The following WDR70 variants were observed in gnomAD, a reference collection of about 807,000 sequenced individuals.
The protein encoded by WDR70 is WD repeat domain 70, also known as WD repeat-containing protein 70.
WDR70 carries 53 observed loss-of-function variants against 88.6 expected under a neutral mutation model. The observed-to-expected ratio is 0.60, with a 90% CI of 0.48 to 0.75. The LOEUF (loss-of-function observed/expected upper bound fraction) is 0.75. Ranked by LOEUF, WDR70 falls within the 30% of genes least tolerant of loss-of-function variation. The pLI is 0.00. For synonymous variants in WDR70, 280 were observed against 270.0 expected (o/e 1.04, Z -0.36); for missense variants, 610 against 823.2 (o/e 0.74, Z 3.17).
chr5:37,572,250 G>C (rs1278655488), intron 9 of WDR70, among the ~76,000 whole-genome samples: 1 of 151,948 alleles, frequency 6.6e-6, no homozygotes, highest in Non-Finnish European at 1.5e-5. Context: ...AGCCTGTGTC[G>C]TGCAATTCAT....
rs182854160 is a variant in WDR70, at chr5:37,727,113, T to C, written c.1877+68T>C. ...ATGAATTGGGGAGAACATAACAATG[T>C]TGTTTTTGAGTTCTAACTTCTCTAT... is the stretch of plus-strand genomic sequence containing the variant. On this transcript the variant is annotated intron_variant, in intron 17 of 17. Coordinates refer to ENST00000265107, the MANE Select transcript of WDR70 (RefSeq NM_018034.4). The C allele has an allele frequency of 4.4e-5, 68 of 1,531,316 alleles. No individual in the cohort carries two copies. In the East Asian group the frequency reaches 9.3e-4, roughly 21 times the overall value. The allele number at this position is 1,531,316 out of a possible 1,614,324, so 94.9% of individuals were successfully genotyped here.
intron 9 of WDR70, among the ~76,000 whole-genome samples, chr5:37,565,962 T>C (rs1202889334): frequency 6.6e-6 from 1 of 152,158 alleles, no homozygotes; most frequent in Non-Finnish European, 1.5e-5. Context: ...AACAACTTTA[T>C]TGAGATACAA....
At chr5:37,439,107 A>C (rs1257109784) in intron 6 of WDR70, among the ~76,000 whole-genome samples, 1 of 151,908 alleles carries the variant, frequency 6.6e-6, no homozygotes, top group African/African-American at 2.4e-5. Flanking sequence ...TTTGGTAGAG[A>C]TGGGCTTTCA....
chr5:37,740,878 A>T (rs561493571), intron 17 of WDR70, among the ~76,000 whole-genome samples: 30 of 152,310 alleles, frequency 2.0e-4, no homozygotes, highest in Middle Eastern at 3.4e-3. Flanking sequence ...TAGGGGAGGG[A>T]TGGAGCTCTC....
At position 37,693,886 on chromosome 5, in the gene WDR70, G is replaced by T. The variant is rs1746895683; in HGVS notation, c.1093-3769G>T. On this transcript the variant is annotated intron_variant, in intron 10 of 17. Coordinates refer to ENST00000265107, the MANE Select transcript of WDR70 (RefSeq NM_018034.4). ...AATTAAACTAAAGAGCTTCTGCACA[G>T]CAAAAGAAACTACCATCAGAGTGAA... Among the ~76,000 whole-genome samples, 4 of 152,182 alleles carry T rather than the reference G, an allele frequency of 2.6e-5. 1 individual carries two copies. The highest frequency in any genetic ancestry group is 2.6e-4 in the Admixed American group (4 of 15,272).
intron 17 of WDR70, among the ~76,000 whole-genome samples, chr5:37,749,976 T>G (rs59898254): frequency 1.3e-5 from 2 of 152,036 alleles, no homozygotes; most frequent in Non-Finnish European, 2.9e-5. Flanking sequence ...ACCAATTTGT[T>G]TTGTTTTTAG....
At chr5:37,404,102 G>A (rs2111931723) in intron 5 of WDR70, among the ~76,000 whole-genome samples, 1 of 152,258 alleles carries the variant, frequency 6.6e-6, no homozygotes, top group African/African-American at 2.4e-5. Context: ...AAGTATGCAT[G>A]CTTAGGTCCT....
chr5:37,723,225 G>A, intron 15 of WDR70: 1 of 323,278 alleles, frequency 3.1e-6, no homozygotes, highest in Non-Finnish European at 5.7e-6. Flanking sequence ...TCTATTCCAA[G>A]TGTGAACAAG....
At chr5:37,632,874 A>G (rs1744857126) in intron 10 of WDR70, among the ~76,000 whole-genome samples, 2 of 152,160 alleles carry the variant, frequency 1.3e-5, no homozygotes, top group Admixed American at 6.5e-5. Context: ...ACCCACAGCA[A>G]CTTCTAGTCC....
chr5:37,592,211 A>G (rs903947453), intron 9 of WDR70, among the ~76,000 whole-genome samples: 52 of 152,350 alleles, frequency 3.4e-4, no homozygotes, highest in African/African-American at 1.2e-3. Context: ...TTCGTAATAC[A>G]TTATACACAT....
chr5:37,463,802 T>C (rs1021443015), intron 7 of WDR70, among the ~76,000 whole-genome samples: 5 of 152,238 alleles, frequency 3.3e-5, no homozygotes, highest in Non-Finnish European at 5.9e-5. Context: ...CTAATGACTC[T>C]TAATCCTGTC....
intron 9 of WDR70, among the ~76,000 whole-genome samples, chr5:37,562,650 T>C (rs1331694478): frequency 1.1e-4 from 16 of 152,130 alleles, no homozygotes; most frequent in Admixed American, 1.0e-3. Flanking sequence ...GTGATGACTC[T>C]TAACGAGCAT....
intron 16 of WDR70, 44 bp from the exon 17 acceptor site, chr5:37,726,839 A>C (rs1351068153): frequency 6.4e-7 from 1 of 1,552,384 alleles, no homozygotes; most frequent in Non-Finnish European, 8.7e-7. Context: ...ATGTATCCTC[A>C]TGCTCATTCA....
intron 10 of WDR70, among the ~76,000 whole-genome samples, chr5:37,662,842 T>C (rs1745737864): frequency 6.6e-6 from 1 of 152,216 alleles, no homozygotes; most frequent in Non-Finnish European, 1.5e-5. Context: ...TTAATGATTG[T>C]TTTTATGGTT....
chr5:37,464,652 T>C (rs1419991690), intron 7 of WDR70, among the ~76,000 whole-genome samples: 2 of 152,146 alleles, frequency 1.3e-5, no homozygotes, highest in African/African-American at 4.8e-5. Context: ...TGTGGCTCAT[T>C]GAATGAAGAG....
At chr5:37,449,919 C>G (rs1267562393) in intron 7 of WDR70, among the ~76,000 whole-genome samples, 1 of 152,072 alleles carries the variant, frequency 6.6e-6, no homozygotes, top group Non-Finnish European at 1.5e-5. Flanking sequence ...CCTGACAGGC[C>G]CTGGTGTGTG....
At chr5:37,722,985 T>A (rs946094163) in intron 15 of WDR70, 51 bp downstream of exon 15, 1 of 1,594,296 alleles carries the variant, frequency 6.3e-7, no homozygotes, top group African/African-American at 1.3e-5. Context: ...TACTCTCATG[T>A]GGTTTTGATT....
At chr5:37,701,369 G>C (rs981295064) in intron 12 of WDR70, among the ~76,000 whole-genome samples, 1 of 152,042 alleles carries the variant, frequency 6.6e-6, no homozygotes, top group South Asian at 2.1e-4. Flanking sequence ...TTATTCATGT[G>C]TTTGTGTGTA....
intron 9 of WDR70, among the ~76,000 whole-genome samples, chr5:37,534,832 T>C (rs1009963984): frequency 3.3e-5 from 5 of 152,172 alleles, no homozygotes; most frequent in Admixed American, 6.5e-5. Flanking sequence ...GAATCTTTAA[T>C]TGTAGACTCC....
Sources: gnomAD v4.1 joint callset for allele counts (sites outside exome capture counted in the v4.1 genomes callset) on GRCh38, gnomAD v4.1.1 for gene constraint, MANE v1.5 for transcripts, NCBI Gene and HGNC (gene_info 2026-07-23, HGNC 2026-07-21) for gene names.